The following CALN1 variants were observed in gnomAD, a reference collection of about 807,000 sequenced individuals.
CALN1 encodes calneuron 1.
CALN1 carries 17 observed loss-of-function variants against 30.6 expected under a neutral mutation model. The ratio of observed to expected loss-of-function variants is 0.56; its 90% CI spans 0.38 to 0.83. CALN1 has a LOEUF of 0.83. Among genes scored for constraint, CALN1 ranks in the 40% least tolerant of loss-of-function variants. The pLI is 0.00. For missense variants in CALN1, 291 were observed against 354.9 expected, an observed-to-expected ratio of 0.82 and a Z score of 1.45; for synonymous variants, 156 against 131.4, an observed-to-expected ratio of 1.19 and a Z score of -1.28.
In CALN1 at chr7:72,403,389, T is replaced by C. The variant is rs1188018974; in HGVS notation, c.-20A>G. 2.0e-6 allele frequency: 3 copies of C among 1,532,980 alleles called. No individual in the cohort carries two copies. Among genetic ancestry groups the C allele is most frequent in the Admixed American group, 4.0e-5 (2 of 50,214 alleles). The allele number at this position is 1,532,980 out of a possible 1,614,324, so 95.0% of individuals were successfully genotyped here. On this transcript the variant is annotated 5_prime_UTR_variant, in exon 2 of 7. Transcript: ENST00000395275. ...CCGCATCGGGGGTCCAGGGCGATGT[T>C]CTCAGAGAGAGTTAGAAGCTCATCA...
At chr7:72,151,884 T>TTTCTTA (rs1322270560) in intron 3 of CALN1, among the ~76,000 whole-genome samples, 3 of 149,812 alleles carry the variant, frequency 2.0e-5, no homozygotes, top group Non-Finnish European at 4.4e-5. Context: ...GCTATTTTTA[T>TTTCTTA]TTTTTATTTT....
the CALN1 span, among the ~76,000 whole-genome samples, chr7:72,500,579 T>A: frequency 6.6e-6 from 1 of 151,904 alleles, no homozygotes; most frequent in Non-Finnish European, 1.5e-5. Flanking sequence ...CGTGCCCAGC[T>A]TGCTCTTTCC....
chr7:72,328,809 C>T (rs1037147118), intron 2 of CALN1, among the ~76,000 whole-genome samples: 5 of 152,342 alleles, frequency 3.3e-5, no homozygotes, highest in South Asian at 2.1e-4. Flanking sequence ...AATTCTCCTG[C>T]CTCAGCCTCC....
At chr7:71,915,948 C>A (rs1355119570) in intron 5 of CALN1, among the ~76,000 whole-genome samples, 1 of 152,158 alleles carries the variant, frequency 6.6e-6, no homozygotes, top group Non-Finnish European at 1.5e-5. Context: ...AATGTCACAA[C>A]CCAAGCCCCA....
At chr7:72,353,031 T>C (rs1803019892) in intron 2 of CALN1, among the ~76,000 whole-genome samples, 2 of 152,100 alleles carry the variant, frequency 1.3e-5, no homozygotes. Flanking sequence ...ATTACCAAAA[T>C]AGACCCATGG....
chr7:72,460,947 G>T, the CALN1 span, among the ~76,000 whole-genome samples: 2 of 152,102 alleles, frequency 1.3e-5, no homozygotes, highest in Non-Finnish European at 2.9e-5. Flanking sequence ...GAAATTCAAG[G>T]TTTCGAAGGA....
intron 2 of CALN1, among the ~76,000 whole-genome samples, chr7:72,339,063 CAT>C (rs1016558860): frequency 5.8e-5 from 8 of 136,878 alleles, no homozygotes; most frequent in African/African-American, 1.1e-4. Flanking sequence ...TAAGTGAAAA[CAT>C]GTGATGTTTG....
At chr7:72,165,627 A>C (rs1788467124) in intron 3 of CALN1, among the ~76,000 whole-genome samples, 1 of 152,134 alleles carries the variant, frequency 6.6e-6, no homozygotes, top group African/African-American at 2.4e-5. Flanking sequence ...AACAAAGAAA[A>C]GCGAAAATGG....
intron 2 of CALN1, among the ~76,000 whole-genome samples, chr7:72,358,965 A>G (rs1428235168): frequency 3.4e-5 from 5 of 146,538 alleles, no homozygotes; most frequent in Non-Finnish European, 6.1e-5. Flanking sequence ...CTCTACCTCA[A>G]AAAAAAAAAA....
chr7:72,434,483 C>T (rs1808083107), intron 1 of CALN1, among the ~76,000 whole-genome samples: 1 of 151,652 alleles, frequency 6.6e-6, no homozygotes, highest in Non-Finnish European at 1.5e-5. Context: ...GATCATGCCA[C>T]TGCACTCCAG....
At chr7:72,214,101 C>A (rs569450928) in intron 3 of CALN1, among the ~76,000 whole-genome samples, 10 of 152,316 alleles carry the variant, frequency 6.6e-5, no homozygotes, top group African/African-American at 1.9e-4. Flanking sequence ...GTCTACTATG[C>A]AATGAATGAT....
chr7:72,022,008 G>A (rs1286673433), intron 5 of CALN1, among the ~76,000 whole-genome samples: 2 of 152,132 alleles, frequency 1.3e-5, no homozygotes, highest in Non-Finnish European at 2.9e-5. Flanking sequence ...AGTGGGTTTT[G>A]AGGTCTTGCC....
chr7:72,037,746 T>C (rs756620430), intron 4 of CALN1, among the ~76,000 whole-genome samples: 1 of 151,920 alleles, frequency 6.6e-6, no homozygotes, highest in Non-Finnish European at 1.5e-5. Context: ...AATGGGGAGC[T>C]GTCTTTACCA....
intron 3 of CALN1, among the ~76,000 whole-genome samples, chr7:72,161,148 G>C (rs1424159293): frequency 2.0e-5 from 3 of 152,280 alleles, no homozygotes; most frequent in South Asian, 2.1e-4. Context: ...GAGGAGAAAC[G>C]TAAACTAACT....
At chr7:72,292,191 G>A (rs1008196741) in intron 2 of CALN1, among the ~76,000 whole-genome samples, 1 of 151,828 alleles carries the variant, frequency 6.6e-6, no homozygotes, top group Non-Finnish European at 1.5e-5. Flanking sequence ...AGAATATGTG[G>A]CTTAAACAAC....
At chr7:71,872,524 G>T (rs1261688947) in intron 5 of CALN1, among the ~76,000 whole-genome samples, 2 of 152,028 alleles carry the variant, frequency 1.3e-5, no homozygotes, top group African/African-American at 2.4e-5. Flanking sequence ...TGCACAGATT[G>T]CTGGGTTTTT....
chr7:72,067,910 A>T lies in CALN1; in HGVS notation c.388+38241T>A, dbSNP rs146753194. Among the ~76,000 whole-genome samples the T allele has an allele frequency of 5.6e-4, 86 of 152,352 alleles. 2 individuals carry two copies. In the East Asian group the frequency reaches 8.9e-3, roughly 16 times the overall value. ...TCAGCTGATTCTACACGGCCTTGCA[A>T]CTTTGCAGAATGTTTTAATTTTTCA... On this transcript the variant is annotated intron_variant, in intron 4 of 6. Transcript: ENST00000395275.
intron 1 of CALN1, among the ~76,000 whole-genome samples, chr7:72,410,233 C>G (rs1807028553): frequency 6.6e-6 from 1 of 152,162 alleles, no homozygotes. Flanking sequence ...GTTGTCAAAT[C>G]TACTTAACTG....
In CALN1 at chr7:72,201,737, TAA is replaced by T. The variant is rs778266725; in HGVS notation, c.244+76947_244+76948del. ...ACCCATGTACAACCTTGAATCTGAT[TAA>T]AAAAAAAAAAAAAAAAAGCAGTAAC... On this transcript the variant is annotated intron_variant, in intron 3 of 6. Coordinates refer to ENST00000395275, the MANE Select transcript of CALN1 (RefSeq NM_031468.4). 1.8e-4 allele frequency among the ~76,000 whole-genome samples: 21 copies of T among 117,844 alleles called. 1 individual carries two copies. The South Asian group carries it at 3.5e-3, about 20-fold the overall frequency. The allele number at this position is 117,844 out of a possible 152,430, so 77.3% of individuals were successfully genotyped here.
Sources: gnomAD v4.1 joint callset for allele counts (sites outside exome capture counted in the v4.1 genomes callset) on GRCh38, gnomAD v4.1.1 for gene constraint, MANE v1.5 for transcripts, NCBI Gene and HGNC (gene_info 2026-07-23, HGNC 2026-07-21) for gene names.